The following VWC2 variants were observed in gnomAD, a reference collection of about 807,000 sequenced individuals.
VWC2 encodes the protein brorin.
A neutral mutation model predicts 29.8 loss-of-function variants in VWC2; 14 were observed. That is an observed-to-expected ratio of 0.47 (90% CI 0.31 to 0.74). The LOEUF is 0.74. VWC2 is among the 30% of genes least tolerant of loss of function. The pLI is 0.05. For missense variants in VWC2, 457 were observed against 459.8 expected, an observed-to-expected ratio of 0.99 and a Z score of 0.05; for synonymous variants, 213 against 199.0, an observed-to-expected ratio of 1.07 and a Z score of -0.59.
intron 2 of VWC2, among the ~76,000 whole-genome samples, chr7:49,784,170 C>T (rs1004688476): frequency 2.6e-5 from 4 of 152,230 alleles, no homozygotes; most frequent in East Asian, 1.9e-4. Flanking sequence ...GGATACACTG[C>T]GTAGTGGTGA....
intron 3 of VWC2, among the ~76,000 whole-genome samples, chr7:49,811,650 A>AAAAGGACAG (rs1235918642): frequency 1.3e-5 from 2 of 152,222 alleles, no homozygotes; most frequent in Non-Finnish European, 2.9e-5. Context: ...GTTTGTAATA[A>AAAAGGACAG]AAAGGACAGA....
intron 3 of VWC2, among the ~76,000 whole-genome samples, chr7:49,892,278 C>G (rs535328714): frequency 5.7e-4 from 86 of 151,996 alleles, no homozygotes; most frequent in Middle Eastern, 3.4e-3. Flanking sequence ...GATCTCCTGA[C>G]CTCGTGATCT....
chr7:49,879,433 A>G (rs568429028), intron 3 of VWC2, among the ~76,000 whole-genome samples: 1 of 152,304 alleles, frequency 6.6e-6, no homozygotes, highest in Admixed American at 6.5e-5. Context: ...GAGGGTTTAT[A>G]TGTGCAGGTA....
At position 49,774,094 on chromosome 7, in the gene VWC2, G is replaced by T. The variant is rs1457054755; in HGVS notation, c.-123G>T. 6.6e-6 allele frequency: 1 copy of T among 152,152 alleles called. No individual in the cohort carries two copies. The highest frequency in any genetic ancestry group is 2.4e-5 in the African/African-American group (1 of 41,434). 9.4% of individuals were successfully genotyped at this position (152,152 alleles called of 1,614,324 possible). On this transcript the variant is annotated 5_prime_UTR_variant, in exon 1 of 4. Transcript: ENST00000340652. Reference sequence around the variant, plus strand: ...TGCGCCCGCTGCGAGCCCGGCGTCCGGCCCGCGCCCTGCGCTCATGTATGT... The same window carrying T: ...TGCGCCCGCTGCGAGCCCGGCGTCCTGCCCGCGCCCTGCGCTCATGTATGT...
chr7:49,805,034 A>ATG (rs1562712290), intron 3 of VWC2, among the ~76,000 whole-genome samples: 1 of 152,038 alleles, frequency 6.6e-6, no homozygotes, highest in Admixed American at 6.6e-5. Flanking sequence ...AGTGTGCAGA[A>ATG]ATGTTAAATT....
intron 3 of VWC2, among the ~76,000 whole-genome samples, chr7:49,856,791 C>T (rs527462569): frequency 2.0e-5 from 3 of 152,010 alleles, no homozygotes; most frequent in South Asian, 4.2e-4. Context: ...GGGCGGATCA[C>T]GAGGTCAGGA....
intron 2 of VWC2, among the ~76,000 whole-genome samples, chr7:49,778,848 A>C (rs1788108686): frequency 6.6e-6 from 1 of 152,228 alleles, no homozygotes; most frequent in Non-Finnish European, 1.5e-5. Flanking sequence ...GAAAAAGGAA[A>C]GCATTCTGTC....
At chr7:49,872,915 C>CAAAA (rs61473396) in intron 3 of VWC2, among the ~76,000 whole-genome samples, 499 of 33,650 alleles carry the variant, frequency 0.015, 48 homozygotes, top group Middle Eastern at 0.091. Context: ...GACTTTGTCT[C>CAAAA]AAAAAAAAAA....
At chr7:49,845,292 G>C (rs1272156500) in intron 3 of VWC2, among the ~76,000 whole-genome samples, 1 of 147,998 alleles carries the variant, frequency 6.8e-6, no homozygotes, top group East Asian at 1.9e-4. Flanking sequence ...AAAAGTCGAA[G>C]GAAAAAAAAA....
rs1323945311 is a variant in VWC2 at position 49,921,406 on chromosome 7, C to A, written c.*9221C>A. On this transcript the variant is annotated 3_prime_UTR_variant, in exon 4 of 4. Coordinates refer to ENST00000340652, the MANE Select transcript of VWC2 (RefSeq NM_198570.5). ...TTATATCATAAGTATTCTCAATAAA[C>A]GTTTGCAATTTATTTGCTTTAATGT... 1.3e-5 allele frequency: 2 copies of A among 152,158 alleles called. No homozygotes were observed. The highest frequency in any genetic ancestry group is 2.9e-5 in the Non-Finnish European group (2 of 68,026). 9.4% of individuals were successfully genotyped at this position (152,158 alleles called of 1,614,324 possible).
chr7:49,811,288 A>C (rs1009871244), intron 3 of VWC2, among the ~76,000 whole-genome samples: 1 of 152,218 alleles, frequency 6.6e-6, no homozygotes, highest in Non-Finnish European at 1.5e-5. Flanking sequence ...CCACACCCAA[A>C]TCTCATCTTG....
At chr7:49,891,584 C>T (rs896077732) in intron 3 of VWC2, among the ~76,000 whole-genome samples, 2 of 152,186 alleles carry the variant, frequency 1.3e-5, no homozygotes, top group South Asian at 2.1e-4. Context: ...TACTATTGCA[C>T]ATCCGCCAGG....
rs148915437 is a variant in VWC2, at chr7:49,905,792, A to G, written c.827-6242A>G. 3.3e-3 allele frequency among the ~76,000 whole-genome samples: 508 copies of G among 152,302 alleles called. 1 individual carries two copies. Among genetic ancestry groups the G allele is most frequent in the African/African-American group, 0.011 (469 of 41,564 alleles). On this transcript the variant is annotated intron_variant, in intron 3 of 3. Coordinates refer to ENST00000340652, the MANE Select transcript of VWC2 (RefSeq NM_198570.5). Reference sequence around the variant, plus strand: ...CGCAAGAAAGAGGTCGGCTCAAGAAACAGGTCATAAAGCCCTTGCTGATAA... The same window carrying G: ...CGCAAGAAAGAGGTCGGCTCAAGAAGCAGGTCATAAAGCCCTTGCTGATAA...
intron 3 of VWC2, among the ~76,000 whole-genome samples, chr7:49,859,495 G>A (rs1254077425): frequency 6.6e-6 from 1 of 151,760 alleles, no homozygotes; most frequent in Non-Finnish European, 1.5e-5. Context: ...TTTTTTTCTT[G>A]TTGTTCTTCA....
At chr7:49,779,111 C>G (rs1015025931) in intron 2 of VWC2, among the ~76,000 whole-genome samples, 4 of 152,082 alleles carry the variant, frequency 2.6e-5, no homozygotes, top group Non-Finnish European at 5.9e-5. Context: ...AGGCTTGACC[C>G]TCTTTGAGCA....
At chr7:49,841,461 G>A (rs1789791295) in intron 3 of VWC2, among the ~76,000 whole-genome samples, 2 of 152,218 alleles carry the variant, frequency 1.3e-5, no homozygotes, top group African/African-American at 4.8e-5. Context: ...AGTGTTTTAA[G>A]TATGGATATA....
Position 49,775,570 on chromosome 7 carries a change from G to C in VWC2, c.135G>C (p.Gln45His). ...KLAQAPEQPG[Q>H]EKREHASRDG... ...CCCAGGCACCAGAGCAGCCGGGCCA[G>C]GAGAAGCGTGAGCACGCCTCTCGGG... Residue 45 changes from glutamine to histidine, a missense_variant, in exon 2 of 4, where the codon CAG (glutamine) becomes CAC (histidine). Physicochemically the swap from Gln to His is conservative, Grantham distance 24 (BLOSUM62 0). Around this residue, in one of 2 missense-constraint regions of VWC2, gnomAD observed 272 missense variants for 202.7 expected, o/e 1.34. Transcript: ENST00000340652. The C allele has an allele frequency of 6.5e-7, 1 of 1,543,296 alleles. No homozygotes were observed. Among genetic ancestry groups the C allele is most frequent in the Non-Finnish European group, 8.7e-7 (1 of 1,146,958 alleles).
intron 3 of VWC2, among the ~76,000 whole-genome samples, chr7:49,848,634 A>G (rs551981849): frequency 6.6e-6 from 1 of 152,324 alleles, no homozygotes; most frequent in African/African-American, 2.4e-5. Context: ...AAATCATGTC[A>G]AAAATATGTG....
chr7:49,863,674 G>A (rs1790760141), intron 3 of VWC2, among the ~76,000 whole-genome samples: 1 of 152,010 alleles, frequency 6.6e-6, no homozygotes, highest in Non-Finnish European at 1.5e-5. Flanking sequence ...CAAGCCATCC[G>A]CCCACCTCAG....
Sources: allele counts gnomAD v4.1 joint callset (sites outside exome capture counted in the v4.1 genomes callset), GRCh38; gene constraint gnomAD v4.1.1; regional missense constraint gnomAD v4.1.1; transcripts MANE v1.5; gene names NCBI Gene and HGNC (gene_info 2026-07-23, HGNC 2026-07-21).